Variants in KAZN observed in about 807,000 individuals in gnomAD.
KAZN encodes the protein kazrin.
A neutral mutation model predicts 87.4 loss-of-function variants in KAZN; 40 were observed. That is an observed-to-expected ratio of 0.46 (90% confidence interval 0.36 to 0.60). The LOEUF (loss-of-function observed/expected upper bound fraction) is 0.60, where lower values mean the gene tolerates loss of function less well. Ranked by LOEUF, KAZN falls within the 20% of genes least tolerant of loss-of-function variation. The pLI is 0.00. For synonymous variants in KAZN, 466 were observed against 458.3 expected, an observed-to-expected ratio of 1.02 and a Z score of -0.22; for missense variants, 898 against 1,073.9, an observed-to-expected ratio of 0.84 and a Z score of 2.29.
chr1:14,724,365 G>C (rs1357390990), intron 1 of KAZN, among the ~76,000 whole-genome samples: 1 of 152,332 alleles, frequency 6.6e-6, no homozygotes, highest in East Asian at 1.9e-4. Context: ...CCAGGGCACA[G>C]ATGCGTCTGC....
intron 1 of KAZN, among the ~76,000 whole-genome samples, chr1:14,157,231 A>G (rs1049674847): frequency 1.3e-5 from 2 of 151,782 alleles, no homozygotes; most frequent in Admixed American, 1.3e-4. Flanking sequence ...ATTATTTTTG[A>G]TTGTTTCATT....
At chr1:14,901,741 G>A (rs6687591) in intron 1 of KAZN, among the ~76,000 whole-genome samples, 13 of 152,106 alleles carry the variant, frequency 8.5e-5, no homozygotes, top group African/African-American at 2.4e-4. Context: ...AGAAGCTCCC[G>A]GACAGCCTGG....
intron 1 of KAZN, among the ~76,000 whole-genome samples, chr1:14,693,105 G>A (rs1230217190): frequency 6.6e-6 from 1 of 152,208 alleles, no homozygotes; most frequent in Non-Finnish European, 1.5e-5. Context: ...AAAGCTCCAT[G>A]TTGATTTGTT....
intron 1 of KAZN, among the ~76,000 whole-genome samples, chr1:14,694,285 G>A (rs966344542): frequency 5.9e-5 from 9 of 152,350 alleles, no homozygotes; most frequent in African/African-American, 2.2e-4. Flanking sequence ...GGCCAAGGAA[G>A]GGTCAATGGG....
At chr1:14,812,396 C>T (rs2100790280) in intron 1 of KAZN, among the ~76,000 whole-genome samples, 1 of 152,318 alleles carries the variant, frequency 6.6e-6, no homozygotes, top group East Asian at 1.9e-4. Flanking sequence ...GTGTCTTCAA[C>T]TCGTCTTCAG....
intron 1 of KAZN, among the ~76,000 whole-genome samples, chr1:14,682,221 G>C (rs1029906311): frequency 3.3e-5 from 5 of 151,434 alleles, no homozygotes; most frequent in Non-Finnish European, 7.4e-5. Context: ...GAATCATACA[G>C]TATTGTTCTT....
intron 2 of KAZN, among the ~76,000 whole-genome samples, chr1:14,250,486 A>G (rs563174233): frequency 1.3e-5 from 2 of 152,140 alleles, no homozygotes; most frequent in Non-Finnish European, 2.9e-5. Flanking sequence ...TTTTTACATG[A>G]TAGATAAAAG....
At chr1:14,778,541 C>A (rs1199169437) in intron 1 of KAZN, among the ~76,000 whole-genome samples, 1 of 152,152 alleles carries the variant, frequency 6.6e-6, no homozygotes, top group African/African-American at 2.4e-5. Context: ...TCCGTTCAGT[C>A]CATTGGGAAG....
chr1:14,495,669 C>A lies in KAZN; in HGVS notation c.250-103314C>A, dbSNP rs530530026. On this transcript the variant is annotated intron_variant, in intron 2 of 16. Coordinates refer to the KAZN transcript ENST00000636203. ...CCTGTGAGTCTCTGGGTCTCTCCAACTCTCCTTCTTTATTAGAAGTAGCCT... is the reference window on the plus strand; with the variant it reads ...CCTGTGAGTCTCTGGGTCTCTCCAAATCTCCTTCTTTATTAGAAGTAGCCT... Among the ~76,000 whole-genome samples, 8 of 152,270 alleles carry A rather than the reference C, an allele frequency of 5.3e-5. No homozygotes were observed. In the East Asian group the frequency reaches 1.4e-3, roughly 26 times the overall value.
chr1:14,386,884 C>T (rs1033141364), intron 2 of KAZN, among the ~76,000 whole-genome samples: 23 of 152,136 alleles, frequency 1.5e-4, no homozygotes, highest in Non-Finnish European at 2.9e-4. Flanking sequence ...GGGGAAGTTC[C>T]CCTGGATAAT....
At chr1:14,875,514 A>G (rs1406463928) in intron 1 of KAZN, among the ~76,000 whole-genome samples, 2 of 151,634 alleles carry the variant, frequency 1.3e-5, no homozygotes, top group Non-Finnish European at 2.9e-5. Flanking sequence ...AGAAAAAAAA[A>G]CTATTTTCAA....
intron 1 of KAZN, among the ~76,000 whole-genome samples, chr1:14,031,514 T>G (rs985355392): frequency 6.6e-6 from 1 of 152,200 alleles, no homozygotes; most frequent in African/African-American, 2.4e-5. Context: ...TTGGCCTTGT[T>G]GAATTTTCAA....
intron 2 of KAZN, among the ~76,000 whole-genome samples, chr1:14,418,450 T>G (rs1665022637): frequency 6.6e-6 from 1 of 152,232 alleles, no homozygotes; most frequent in African/African-American, 2.4e-5. Flanking sequence ...ACTGTCAGCA[T>G]GTAACCAATG....
chr1:14,624,586 TA>T (rs201583743), intron 1 of KAZN, among the ~76,000 whole-genome samples: 4 of 149,476 alleles, frequency 2.7e-5, no homozygotes, highest in Admixed American at 6.7e-5. Context: ...TTTATCATCA[TA>T]AAAAAAAAAG....
intron 2 of KAZN, among the ~76,000 whole-genome samples, chr1:14,982,810 G>A (rs996971571): frequency 6.6e-6 from 1 of 152,210 alleles, no homozygotes; most frequent in African/African-American, 2.4e-5. Flanking sequence ...CAGAGGCCTA[G>A]TGCTGGATCT....
At chr1:14,941,018 T>C (rs1661013774) in intron 1 of KAZN, among the ~76,000 whole-genome samples, 1 of 149,422 alleles carries the variant, frequency 6.7e-6, no homozygotes, top group South Asian at 2.1e-4. Context: ...CGGGTTCAAG[T>C]GATTCTCCTG....
chr1:14,498,250 C>T (rs1670054436), intron 2 of KAZN, among the ~76,000 whole-genome samples: 1 of 152,236 alleles, frequency 6.6e-6, no homozygotes, highest in African/African-American at 2.4e-5. Flanking sequence ...ACTCGTTCCT[C>T]CACCTCCTAT....
chr1:14,701,449 C>T (rs2148804807), intron 1 of KAZN, among the ~76,000 whole-genome samples: 1 of 150,662 alleles, frequency 6.6e-6, no homozygotes, highest in Admixed American at 6.6e-5. Context: ...TTTTTAAAAA[C>T]AAGAGCAGTA....
At chr1:14,145,376 C>A (rs190250250) in intron 1 of KAZN, among the ~76,000 whole-genome samples, 2 of 151,900 alleles carry the variant, frequency 1.3e-5, no homozygotes, top group Non-Finnish European at 2.9e-5. Context: ...TCAAGGAGGT[C>A]GAGGCTGCAG....
Sources: allele counts gnomAD v4.1 joint callset (sites outside exome capture counted in the v4.1 genomes callset), GRCh38; gene constraint gnomAD v4.1.1; transcripts MANE v1.5; gene names NCBI Gene and HGNC (gene_info 2026-07-23, HGNC 2026-07-21).